The following AMPD3 variants were observed in gnomAD, a reference collection of about 807,000 sequenced individuals.
The protein encoded by AMPD3 is adenosine monophosphate deaminase 3.
In AMPD3, 57 loss-of-function variants were observed where a neutral mutation model predicts 82.3. The observed-to-expected ratio is 0.69, with a 90% CI of 0.56 to 0.86. The LOEUF is 0.86. Among genes scored for constraint, AMPD3 ranks in the 40% least tolerant of loss-of-function variants. The pLI, the probability that AMPD3 is intolerant of heterozygous loss-of-function variation, is 0.00. For missense variants in AMPD3, 870 were observed against 1,003.8 expected (o/e 0.87, Z 1.80); for synonymous variants, 381 against 394.7 (o/e 0.97, Z 0.41).
At chr11:10,451,054 G>C, upstream of AMPD3, 1 of 1,574,130 alleles carries the variant, frequency 6.4e-7, no homozygotes, top group Non-Finnish European at 8.6e-7. Flanking sequence ...GTGAGTGCGC[G>C]CGAGGCTGCG....
chr11:10,469,628 C>T (rs1848526170), intron 2 of AMPD3, among the ~76,000 whole-genome samples: 1 of 152,210 alleles, frequency 6.6e-6, no homozygotes. Context: ...GGAGCTGGTA[C>T]CATTCCTTCT....
intron 1 of AMPD3, among the ~76,000 whole-genome samples, chr11:10,458,030 C>T (rs55634501): frequency 6.6e-6 from 1 of 151,822 alleles, no homozygotes; most frequent in Admixed American, 6.6e-5. Context: ...CTGGGTCAGG[C>T]CTGTGTGTGT....
chr11:10,482,271 G>C (rs374025716), intron 4 of AMPD3, 46 bp downstream of exon 4: 2 of 1,601,236 alleles, frequency 1.2e-6, no homozygotes, highest in Non-Finnish European at 1.7e-6. Flanking sequence ...TGGGCAGACC[G>C]AGAGCTAGTC....
chr11:10,477,105 A>G, intron 2 of AMPD3: 1 of 985,462 alleles, frequency 1.0e-6, no homozygotes, highest in Non-Finnish European at 1.2e-6. Flanking sequence ...AAAACTCGGC[A>G]GTGAGGATAC....
intron 13 of AMPD3, among the ~76,000 whole-genome samples, chr11:10,503,570 G>A (rs1377881189): frequency 6.6e-6 from 1 of 152,028 alleles, no homozygotes; most frequent in Non-Finnish European, 1.5e-5. Flanking sequence ...GTTTATGTGG[G>A]TTATATCTAC....
Position 10,493,507 on chromosome 11 carries a change from C to G in AMPD3, c.1098C>G (p.Pro366=), listed in dbSNP as rs768684843. The change falls in exon 7 of 15, where the codon CCC becomes CCG. Residue 366 remains proline (P), a synonymous_variant. Coordinates refer to ENST00000396553, the MANE Select transcript of AMPD3 (RefSeq NM_001025389.2). ...RQVFDGLHMD[P]YDLTVDSLDV... is the part of the protein sequence containing the mutation. ...TGTTTGACGGCCTGCACATGGACCC[C>G]TACGACCTCACTGTGGACTCACTGG... 6.2e-7 allele frequency: 1 copy of G among 1,614,220 alleles called. No homozygotes were observed. The highest frequency in any genetic ancestry group is 1.1e-5 in the South Asian group (1 of 91,088).
Position 10,482,441 on chromosome 11 carries a change from A to C in AMPD3, c.589+216A>C, listed in dbSNP as rs566707015. Among the ~76,000 whole-genome samples the C allele has an allele frequency of 6.0e-4, 91 of 152,328 alleles. 1 individual carries two copies. The highest frequency in any genetic ancestry group is 4.1e-3 in the South Asian group (20 of 4,828). On this transcript the variant is annotated intron_variant, in intron 4 of 14. Coordinates refer to ENST00000396553, the MANE Select transcript of AMPD3 (RefSeq NM_001025389.2). ...GTGCAGAGCTGAACTGTTGAAGTCA[A>C]GACAGAGATGTGAAAGACAGTCCTT...
intron 11 of AMPD3, chr11:10,500,765 T>C: frequency 1.0e-6 from 1 of 985,448 alleles, no homozygotes; most frequent in South Asian, 4.7e-5. Context: ...AATCCATGCA[T>C]GCCCTTACAG....
At chr11:10,462,280 A>T (rs1216402102) in intron 2 of AMPD3, among the ~76,000 whole-genome samples, 1 of 152,220 alleles carries the variant, frequency 6.6e-6, no homozygotes, top group African/African-American at 2.4e-5. Context: ...ATTTTAATGC[A>T]GGGAATTGGT....
At chr11:10,450,788 C>T, upstream of AMPD3, 4 of 1,172,754 alleles carry the variant, frequency 3.4e-6, no homozygotes, top group Non-Finnish European at 4.2e-6. Context: ...GGGGGCTGCA[C>T]GCGGCTGGCC....
intron 4 of AMPD3, chr11:10,484,254 G>A (rs1439191343): frequency 6.1e-6 from 6 of 985,182 alleles, no homozygotes; most frequent in South Asian, 4.7e-5. Flanking sequence ...GTGGTTGGGG[G>A]CAGATGGCTT....
At chr11:10,479,166 T>G (rs1426512340) in intron 3 of AMPD3, among the ~76,000 whole-genome samples, 1 of 152,200 alleles carries the variant, frequency 6.6e-6, no homozygotes, top group Non-Finnish European at 1.5e-5. Context: ...TTCAATACCC[T>G]TAAATATAGG....
At chr11:10,495,156 G>A (rs1372288132) in intron 8 of AMPD3, 126 bp downstream of exon 8, 4 of 1,600,382 alleles carry the variant, frequency 2.5e-6, no homozygotes, top group South Asian at 1.1e-5. Context: ...TCAGGGAAGG[G>A]TGAGGTGCCC....
chr11:10,469,965 G>A (rs1027369018), intron 2 of AMPD3, among the ~76,000 whole-genome samples: 23 of 151,088 alleles, frequency 1.5e-4, no homozygotes, highest in Non-Finnish European at 2.2e-4. Context: ...GCGTGAACCC[G>A]GGAGGCGGAG....
intron 6 of AMPD3, 102 bp from the exon 7 acceptor site, chr11:10,493,247 C>A (rs1333014717): frequency 7.3e-7 from 1 of 1,377,922 alleles, no homozygotes; most frequent in Non-Finnish European, 1.0e-6. Context: ...CCGGATGGCC[C>A]ATGAGGTGCT....
At chr11:10,497,607 A>G (rs1047927893) in intron 10 of AMPD3, 1 of 985,308 alleles carries the variant, frequency 1.0e-6, no homozygotes, top group Non-Finnish European at 1.2e-6. Context: ...CGGGGAAAGA[A>G]TTGAGTCTGT....
In AMPD3 at chr11:10,487,378, G is replaced by T. The variant is rs761730405; in HGVS notation, c.939+14G>T. The stretch of plus-strand genomic sequence containing the variant: ...AACGTGAGAAAGGTGCGTTAGGGGC[G>T]AGTGTTCACAGCTGCCTCACCCGGT... On this transcript the variant is annotated intron_variant, in intron 6 of 14. Coordinates refer to ENST00000396553, the MANE Select transcript of AMPD3 (RefSeq NM_001025389.2). 6.2e-7 allele frequency: 1 copy of T among 1,613,814 alleles called. No individual in the cohort carries two copies. Among genetic ancestry groups the T allele is most frequent in the South Asian group, 1.1e-5 (1 of 91,066 alleles).
At chr11:10,495,924 T>C (rs1291298574) in intron 9 of AMPD3, among the ~76,000 whole-genome samples, 191 bp downstream of exon 9, 2 of 151,004 alleles carry the variant, frequency 1.3e-5, no homozygotes, top group Non-Finnish European at 3.0e-5. Flanking sequence ...CTCTTTTTTT[T>C]TTTTTTTTTT....
At chr11:10,481,833 T>C (rs968021973) in intron 3 of AMPD3, 9 of 587,208 alleles carry the variant, frequency 1.5e-5, no homozygotes, top group African/African-American at 1.3e-4. Context: ...ATAGCACATC[T>C]CAAATTCCAG....
Sources: allele counts gnomAD v4.1 joint callset (sites outside exome capture counted in the v4.1 genomes callset), GRCh38; gene constraint gnomAD v4.1.1; transcripts MANE v1.5; gene names NCBI Gene and HGNC (gene_info 2026-07-23, HGNC 2026-07-21).